The following TTN variants were observed in gnomAD, a reference collection of about 807,000 sequenced individuals.
The protein encoded by TTN is connectin.
Under a neutral mutation model 3,223.0 loss-of-function variants are expected in TTN, and 1,525 were observed. That is an observed-to-expected ratio of 0.47 (90% CI 0.45 to 0.49). The LOEUF (loss-of-function observed/expected upper bound fraction) is 0.49. TTN is among the 20% of genes least tolerant of loss of function. The pLI is 0.00. For synonymous variants in TTN, 14,094 were observed against 15,161.0 expected, an observed-to-expected ratio of 0.93 and a Z score of 5.17; for missense variants, 40,786 against 43,424.0, an observed-to-expected ratio of 0.94 and a Z score of 5.40.
chr2:178,617,339 C>A lies in TTN; in HGVS notation c.47746G>T (p.Glu15916Ter). 6.3e-7 allele frequency: 1 copy of A among 1,580,446 alleles called. No homozygotes were observed. Among genetic ancestry groups the A allele is most frequent in the Admixed American group, 1.9e-5 (1 of 52,686 alleles). Residue 15916 changes from glutamate to a stop codon, truncating the protein, a stop_gained, in exon 254 of 363, where the codon GAA becomes TAA. Transcript: ENST00000589042. LOFTEE classifies it high-confidence loss of function. ...WIRCNMKLVP[E>*]LTYKVTGLEK... is the part of the protein sequence containing the mutation. ...AAATGACCTACCTTGTAAGTCAGTT[C>A]AGGGACAAGTTTCATATTGCAACGA... is the stretch of plus-strand genomic sequence containing the variant.
chr2:178,634,947 A>G lies in TTN; in HGVS notation c.42025-98T>C. Reference sequence around the variant, plus strand: ...TTTCTATAGAGTTTTAAAAATTACTACTAATAAAAGTAAGCAGAGAATTCC... The same window carrying G: ...TTTCTATAGAGTTTTAAAAATTACTGCTAATAAAAGTAAGCAGAGAATTCC... On this transcript the variant is annotated intron_variant, in intron 228 of 362. Coordinates refer to ENST00000589042, the MANE Select transcript of TTN (RefSeq NM_001267550.2). This position sits in a 1 kb window ranked among gnomAD's most constrained non-coding sequence, Gnocchi z 4.6. The G allele has an allele frequency of 1.4e-6, 2 of 1,430,528 alleles. No individual in the cohort carries two copies. Among genetic ancestry groups the G allele is most frequent in the Non-Finnish European group, 1.9e-6 (2 of 1,078,704 alleles). 88.6% of individuals were successfully genotyped at this position (1,430,528 alleles called of 1,614,324 possible).
chr2:178,806,000 T>C (rs1158214651), intron 1 of TTN, among the ~76,000 whole-genome samples: 1 of 152,216 alleles, frequency 6.6e-6, no homozygotes, highest in Non-Finnish European at 1.5e-5. Flanking sequence ...AATAGAACAT[T>C]TCTGAATTGT....
At position 178,731,913 on chromosome 2, in the gene TTN, G is replaced by C; in HGVS notation, c.16962C>G (p.Val5654=). ...KPIEVLKEYD[V]MLLAEVAGTP... is the part of the protein sequence containing the mutation. ...TGCCTGCCACCTCAGCCAGCAACAT[G>C]ACATCGTACTCCTTTAAGACTTCAA... Residue 5654 remains valine, a synonymous_variant, in exon 58 of 363, where the codon GTC becomes GTG. Transcript: ENST00000589042. 1 of 1,613,648 alleles carries C rather than the reference G, an allele frequency of 6.2e-7. No homozygotes were observed.
At chr2:178,759,244 A>G (rs777140351) in intron 43 of TTN, 72 bp from the exon 44 acceptor site, 5 of 1,454,696 alleles carry the variant, frequency 3.4e-6, no homozygotes, top group Non-Finnish European at 3.9e-6. Context: ...CTGCAAACAC[A>G]ATGTTAATAA....
Position 178,534,159 on chromosome 2 carries a change from A to G in TTN, c.102456T>C (p.His34152=), listed in dbSNP as rs758384544. The change falls in exon 358 of 363, where the codon CAT becomes CAC. Residue 34152 remains histidine (H), a synonymous_variant. Coordinates refer to ENST00000589042, the MANE Select transcript of TTN (RefSeq NM_001267550.2). ...TTTCAATTTTGCATACATATTTGACATGTCCTCCTTCTTCACCAACTGCAT... is the reference window on the plus strand; with the variant it reads ...TTTCAATTTTGCATACATATTTGACGTGTCCTCCTTCTTCACCAACTGCAT... The part of the protein sequence containing the change: ...IMHAVGEEGG[H]VKYVCKIENY... The G allele has an allele frequency of 1.2e-6, 2 of 1,613,940 alleles. No homozygotes were observed. Among genetic ancestry groups the G allele is most frequent in the South Asian group, 2.2e-5 (2 of 91,084 alleles).
rs756747766 is a variant in TTN, at chr2:178,553,263, A to G, written c.89637T>C (p.Asn29879=). ...TGCTGTATCTGGCATCACTGCCAAG[A>G]TTCTTCTCATCTTTTCTCCATGTGA... ...PTVTWRKDEK[N]LGSDARYSIE... The change falls in exon 335 of 363, where the codon AAT becomes AAC. Residue 29879 remains asparagine, a synonymous_variant. Coordinates refer to ENST00000589042, the MANE Select transcript of TTN (RefSeq NM_001267550.2). 7.5e-6 allele frequency: 12 copies of G among 1,608,772 alleles called. No homozygotes were observed. Among genetic ancestry groups the G allele is most frequent in the Non-Finnish European group, 9.3e-6 (11 of 1,176,654 alleles).
In TTN at chr2:178,579,934, C is replaced by T. The variant is rs765587170; in HGVS notation, c.67348+5G>A. ...AAATGATGGGATGATGGTTCATTTGCTTACGGGAAGCTTTGACAGCATCAC... is the reference window on the plus strand; with the variant it reads ...AAATGATGGGATGATGGTTCATTTGTTTACGGGAAGCTTTGACAGCATCAC... On this transcript the variant is annotated splice_donor_5th_base_variant and intron_variant, in intron 318 of 362. Transcript: ENST00000589042. The T allele has an allele frequency of 2.5e-6, 4 of 1,612,832 alleles. No individual in the cohort carries two copies. In the Middle Eastern group the frequency reaches 4.9e-4, roughly 199 times the overall value.
Position 178,614,664 on chromosome 2 carries a change from C to A in TTN, c.48850G>T (p.Gly16284Ter). Residue 16284 changes from glycine to a stop codon, truncating the protein, a stop_gained, in exon 261 of 363, where the codon GGA becomes TGA. Transcript: ENST00000589042. LOFTEE classifies it high-confidence loss of function. The stretch of plus-strand genomic sequence containing the variant: ...CAAGTTATTTTAGGTTCAGGTTTTC[C>A]GGTTACGGTGGCAGGAAGTTCAATC... The part of the protein sequence containing the change: ...TKIELPATVT[G>*]KPEPKITWTK... 1 of 1,612,238 alleles carries A rather than the reference C, an allele frequency of 6.2e-7. No individual in the cohort carries two copies. The highest frequency in any genetic ancestry group is 8.5e-7 in the Non-Finnish European group (1 of 1,179,052).
At chr2:178,619,599 A>T (rs563055341) in intron 250 of TTN, 22 bp downstream of exon 250, 3 of 1,603,362 alleles carry the variant, frequency 1.9e-6, no homozygotes, top group Non-Finnish European at 2.5e-6. Context: ...TTGGAAGGAT[A>T]TTTTAAAATA....
Position 178,530,490 on chromosome 2 carries a change from C to T in TTN, c.106125G>A (p.Met35375Ile). ...CATGGATACTCTTAAAGGCTTGCCC[C>T]ATAAATTGTAAGTTGGTTTTAGACG... ...GGTSKTNLQF[M>I]GQAFKSIHEK... The change falls in exon 358 of 363, where the codon ATG becomes ATA. Residue 35375 changes from methionine (M) to isoleucine (I), a missense_variant. Met to Ile is a conservative substitution (Grantham distance 10, BLOSUM62 1). Transcript: ENST00000589042. 6.2e-7 allele frequency: 1 copy of T among 1,613,972 alleles called. No homozygotes were observed. Among genetic ancestry groups the T allele is most frequent in the Non-Finnish European group, 8.5e-7 (1 of 1,179,882 alleles).
Position 178,528,896 on chromosome 2 carries a change from T to G in TTN, c.106855A>C (p.Asn35619His). The G allele has an allele frequency of 1.2e-6, 2 of 1,614,014 alleles. No individual in the cohort carries two copies. The highest frequency in any genetic ancestry group is 1.7e-6 in the Non-Finnish European group (2 of 1,179,888). The change falls in exon 360 of 363, where the codon AAC (asparagine) becomes CAC (histidine). Residue 35619 changes from asparagine to histidine, a missense_variant. Coordinates refer to ENST00000589042, the MANE Select transcript of TTN (RefSeq NM_001267550.2). ...TTTAAAACCAGTCTTTGACCTTCGTTTATGCTCATCTGAGTAGAAAATGCT... is the reference window on the plus strand; with the variant it reads ...TTTAAAACCAGTCTTTGACCTTCGTGTATGCTCATCTGAGTAGAAAATGCT... ...IKAFSTQMSI[N>H]EGQRLVLKAN...
Position 178,573,613 on chromosome 2 carries a change from T to A in TTN, c.72519A>T (p.Val24173=). 6.7e-7 allele frequency: 1 copy of A among 1,499,866 alleles called. No homozygotes were observed. The highest frequency in any genetic ancestry group is 8.9e-7 in the Non-Finnish European group (1 of 1,127,200). 92.9% of individuals were successfully genotyped at this position (1,499,866 alleles called of 1,614,324 possible). Residue 24173 remains valine, a synonymous_variant, in exon 326 of 363, where the codon GTA becomes GTT. Coordinates refer to ENST00000589042, the MANE Select transcript of TTN (RefSeq NM_001267550.2). ...RETSRLAWTN[V]ASEVQVTKLK... is the part of the protein sequence containing the mutation. ...GCTTTGTTACTTGGACTTCTGAGGC[T>A]ACATTTGTCCATGCCAATCTGCTGG...
Position 178,757,559 on chromosome 2 carries a change from A to T in TTN, c.10661T>A (p.Leu3554His). Residue 3554 changes from leucine to histidine, a missense_variant, in exon 45 of 363, where the codon CTC becomes CAC. Coordinates refer to ENST00000589042, the MANE Select transcript of TTN (RefSeq NM_001267550.2). ...GGCTTTACCTTTTGGAGTCACTGTG[A>T]GTGTAGCTGCACAAGTGGCTTCCCC... ...SAGEATCAAT[L>H]TVTPKVQALD... 1.9e-6 allele frequency: 3 copies of T among 1,582,446 alleles called. No individual in the cohort carries two copies. Among genetic ancestry groups the T allele is most frequent in the African/African-American group, 2.7e-5 (2 of 74,210 alleles).
Position 178,562,226 on chromosome 2 carries a change from A to G in TTN, c.83906T>C (p.Phe27969Ser). The G allele has an allele frequency of 6.2e-7, 1 of 1,612,668 alleles. No homozygotes were observed. ...TCTAGCCTTTACATTGAAAGTATGG[A>G]AAGGAAGCTCAACTGAAGGCTTTAT... ...IEIKPSVELP[F>S]HTFNVKAREQ... The change falls in exon 326 of 363, where the codon TTC becomes TCC. Residue 27969 changes from phenylalanine (F) to serine (S), a missense_variant. Coordinates refer to ENST00000589042, the MANE Select transcript of TTN (RefSeq NM_001267550.2).
In TTN at chr2:178,663,676, C is replaced by T. The variant is rs2154258858; in HGVS notation, c.36483G>A (p.Lys12161=). 1.2e-6 allele frequency: 2 copies of T among 1,613,580 alleles called. No individual in the cohort carries two copies. The highest frequency in any genetic ancestry group is 1.7e-6 in the Non-Finnish European group (2 of 1,179,712). Residue 12161 remains lysine (K), a synonymous_variant, in exon 171 of 363, where the codon AAG becomes AAA. Coordinates refer to ENST00000589042, the MANE Select transcript of TTN (RefSeq NM_001267550.2). The stretch of plus-strand genomic sequence containing the variant: ...CTTTAGGAGGAGCCACTGGCGCTTT[C>T]TTTTCAGGAACTACTTCTTTGGGAG... ...PEPPKEVVPE[K]KAPVAPPKEP... is the part of the protein sequence containing the mutation.
At position 178,731,410 on chromosome 2, in the gene TTN, T is replaced by G. The variant is rs745386654; in HGVS notation, c.17356A>C (p.Ser5786Arg). ...IRMTFENNVA[S>R]LYLSGIEVKH... ...ACTTCAATGCCACTGAGGTACAAACTGGCCACATTGTTCTCAAAGGTCATT... is the reference window on the plus strand; with the variant it reads ...ACTTCAATGCCACTGAGGTACAAACGGGCCACATTGTTCTCAAAGGTCATT... The change falls in exon 59 of 363, where the codon AGT becomes CGT. Residue 5786 changes from serine (S) to arginine (R), a missense_variant. Coordinates refer to ENST00000589042, the MANE Select transcript of TTN (RefSeq NM_001267550.2). The G allele has an allele frequency of 2.5e-6, 4 of 1,613,714 alleles. No individual in the cohort carries two copies. The African/African-American group carries it at 5.3e-5, about 22-fold the overall frequency.
chr2:178,738,827 C>T (rs1239056004), intron 48 of TTN, among the ~76,000 whole-genome samples: 6 of 152,102 alleles, frequency 3.9e-5, no homozygotes, highest in Admixed American at 2.0e-4. Context: ...TTCACTGATA[C>T]TTTTTATTAC....
In TTN at chr2:178,581,483, C is replaced by A. The variant is rs2047735026; in HGVS notation, c.66769+16G>T. The A allele has an allele frequency of 6.4e-7, 1 of 1,568,972 alleles. No individual in the cohort carries two copies. Among genetic ancestry groups the A allele is most frequent in the African/African-American group, 1.4e-5 (1 of 73,966 alleles). On this transcript the variant is annotated intron_variant, in intron 316 of 362. Transcript: ENST00000589042. ...TAATAGGAAAAGCCTTATGTACTCC[C>A]CCTGGTAATACTTACTTAAGATGTC...
At position 178,612,749 on chromosome 2, in the gene TTN, T is replaced by G. The variant is rs72677248; in HGVS notation, c.49948+24A>C. ...GGCAGATATTAGAAGAATTTATATA[T>G]CCCAGACATCAAGAGTGACTTACAT... On this transcript the variant is annotated intron_variant, in intron 265 of 362. Transcript: ENST00000589042. 40,867 of 1,589,278 alleles carry G rather than the reference T, an allele frequency of 0.026. 728 individuals carry two copies. Among genetic ancestry groups the G allele is most frequent in the East Asian group, 0.092 (4,084 of 44,286 alleles).
Sources: allele counts gnomAD v4.1 joint callset (sites outside exome capture counted in the v4.1 genomes callset), GRCh38; gene constraint gnomAD v4.1.1; non-coding constraint Gnocchi (gnomAD v3.1); transcripts MANE v1.5; gene names NCBI Gene and HGNC (gene_info 2026-07-23, HGNC 2026-07-21).